MMS22L: variants seen among roughly 807,000 people sequenced by gnomAD.
MMS22L encodes MMS22 like, DNA repair protein.
Under a neutral mutation model 159.1 loss-of-function variants are expected in MMS22L, and 74 were observed. That is an observed-to-expected ratio of 0.47 (90% CI 0.39 to 0.56). The LOEUF is 0.56. Ranked by LOEUF, MMS22L falls within the 20% of genes least tolerant of loss-of-function variation. MMS22L has a pLI of 0.00. For missense variants in MMS22L, 1,351 were observed against 1,422.1 expected (o/e 0.95, Z 0.80); for synonymous variants, 517 against 506.9 (o/e 1.02, Z -0.27).
chr6:97,198,209 A>G (rs1237507181), intron 14 of MMS22L, among the ~76,000 whole-genome samples: 1 of 152,154 alleles, frequency 6.6e-6, no homozygotes, highest in African/African-American at 2.4e-5. Flanking sequence ...GACAGCACTC[A>G]GGTCAACAGT....
At chr6:97,165,218 A>G (rs542523929) in intron 21 of MMS22L, 28 bp downstream of exon 21, 12 of 1,582,148 alleles carry the variant, frequency 7.6e-6, no homozygotes, top group Non-Finnish European at 1.0e-5. Flanking sequence ...ATTTGTACAT[A>G]CCACCTATAT....
chr6:97,166,444 A>C (rs1425365259), intron 20 of MMS22L, among the ~76,000 whole-genome samples: 1 of 152,136 alleles, frequency 6.6e-6, no homozygotes, highest in Non-Finnish European at 1.5e-5. Flanking sequence ...CTGAAAGTTT[A>C]TTTGTAATGA....
At chr6:97,227,870 T>C (rs1317398376) in intron 14 of MMS22L, among the ~76,000 whole-genome samples, 1 of 152,234 alleles carries the variant, frequency 6.6e-6, no homozygotes, top group African/African-American at 2.4e-5. Flanking sequence ...AGGCAATAAA[T>C]ATCATAACCA....
intron 10 of MMS22L, among the ~76,000 whole-genome samples, chr6:97,249,504 A>G (rs140293341): frequency 5.1e-4 from 77 of 152,246 alleles, no homozygotes; most frequent in Non-Finnish European, 7.9e-4. Flanking sequence ...GTTGGCCCTA[A>G]AAGTCTCTCA....
intron 14 of MMS22L, among the ~76,000 whole-genome samples, chr6:97,213,360 C>T (rs933608784): frequency 1.3e-4 from 20 of 151,992 alleles, no homozygotes; most frequent in Non-Finnish European, 1.5e-5. Flanking sequence ...GAGCCAAGAT[C>T]ACGCCATTGT....
intron 14 of MMS22L, among the ~76,000 whole-genome samples, chr6:97,208,759 A>G (rs1808057865): frequency 1.3e-5 from 2 of 151,836 alleles, no homozygotes; most frequent in South Asian, 4.2e-4. Context: ...CTCTACTTAA[A>G]ACCTATAGTC....
At position 97,186,629 on chromosome 6, in the gene MMS22L, A is replaced by G. The variant is rs1010824292; in HGVS notation, c.2101T>C (p.Ser701Pro). 1 of 1,610,998 alleles carries G rather than the reference A, an allele frequency of 6.2e-7. No individual in the cohort carries two copies. The highest frequency in any genetic ancestry group is 1.1e-5 in the South Asian group (1 of 90,706). Residue 701 changes from serine (S) to proline (P), a missense_variant, in exon 15 of 25, where the codon TCT becomes CCT. Coordinates refer to ENST00000683635, the MANE Select transcript of MMS22L (RefSeq NM_001350599.2). ...TGGCGCTCTTTAGCCGATAATGAAG[A>G]CTGTACAAATAGGTCCACATTGTCC... Reference protein sequence around the residue: ...QRDNVDLFVQSSLSAKERHLA... With the variant: ...QRDNVDLFVQPSLSAKERHLA...
At chr6:97,279,656 G>A (rs947769812) in intron 3 of MMS22L, among the ~76,000 whole-genome samples, 4 of 151,710 alleles carry the variant, frequency 2.6e-5, no homozygotes, top group African/African-American at 9.7e-5. Context: ...GCGTGGTGGG[G>A]GGACCCTGTA....
intron 14 of MMS22L, among the ~76,000 whole-genome samples, chr6:97,213,056 C>T (rs1035419876): frequency 2.6e-5 from 4 of 151,534 alleles, no homozygotes; most frequent in African/African-American, 9.7e-5. Context: ...TGTGTGTGTG[C>T]GTGTGTGTGT....
At chr6:97,158,473 C>A (rs1432158178) in intron 22 of MMS22L, among the ~76,000 whole-genome samples, 3 of 152,170 alleles carry the variant, frequency 2.0e-5, no homozygotes, top group Non-Finnish European at 2.9e-5. Context: ...CCTCTACACA[C>A]TGCTTTAAAT....
chr6:97,204,376 G>A (rs970758169), intron 14 of MMS22L, among the ~76,000 whole-genome samples: 8 of 152,154 alleles, frequency 5.3e-5, no homozygotes, highest in African/African-American at 1.9e-4. Context: ...TTAACTGGAT[G>A]TATAATGGAC....
In MMS22L at chr6:97,241,899, G is replaced by A. The variant is rs367659860; in HGVS notation, c.1182+4729C>T. Among the ~76,000 whole-genome samples, 7 of 152,158 alleles carry A rather than the reference G, an allele frequency of 4.6e-5. No individual in the cohort carries two copies. In the East Asian group the frequency reaches 7.7e-4, roughly 17 times the overall value. On this transcript the variant is annotated intron_variant, in intron 11 of 24. Coordinates refer to ENST00000683635, the MANE Select transcript of MMS22L (RefSeq NM_001350599.2). ...CAGAAGCAGATTATTTAATTTCCACGTATTTGTATAGTTTTCAAGGTTCAT... is the reference window on the plus strand; with the variant it reads ...CAGAAGCAGATTATTTAATTTCCACATATTTGTATAGTTTTCAAGGTTCAT...
chr6:97,245,991 A>G lies in MMS22L; in HGVS notation c.1182+637T>C, dbSNP rs1394553803. On this transcript the variant is annotated intron_variant, in intron 11 of 24. Coordinates refer to ENST00000683635, the MANE Select transcript of MMS22L (RefSeq NM_001350599.2). ...AATATTTCCCAAATTCCAAAATATT[A>G]TTTATTATAATTCTCCATAAACTCT... 8.0e-5 allele frequency: 19 copies of G among 236,126 alleles called. No homozygotes were observed. In the Admixed American group the frequency reaches 1.0e-3, roughly 12 times the overall value. 14.6% of individuals were successfully genotyped at this position (236,126 alleles called of 1,614,324 possible).
At chr6:97,199,911 T>C (rs771244286) in intron 14 of MMS22L, among the ~76,000 whole-genome samples, 16 of 152,224 alleles carry the variant, frequency 1.1e-4, no homozygotes, top group Middle Eastern at 3.4e-3. Flanking sequence ...TAAAGTTTTG[T>C]GTATACATAA....
intron 14 of MMS22L, among the ~76,000 whole-genome samples, chr6:97,228,283 C>A (rs1369783256): frequency 1.3e-5 from 2 of 152,148 alleles, no homozygotes; most frequent in Non-Finnish European, 2.9e-5. Context: ...CAGACTGCAC[C>A]AGAGCTGCTC....
Position 97,168,080 on chromosome 6 carries a change from C to A in MMS22L, c.3000G>T (p.Leu1000Phe). 6.2e-7 allele frequency: 1 copy of A among 1,607,238 alleles called. No homozygotes were observed. The highest frequency in any genetic ancestry group is 8.5e-7 in the Non-Finnish European group (1 of 1,177,506). The change falls in exon 20 of 25, where the codon TTG becomes TTT. Residue 1000 changes from leucine to phenylalanine, a missense_variant. Transcript: ENST00000683635. ...ACCACAGATACTATACCTGGAGATA[C>A]AAAGGAAGACTTTTCTGAATTGCTG... ...MLSAIQKSLP[L>F]YLQGMCIVCC... is the part of the protein sequence containing the mutation.
intron 15 of MMS22L, 33 bp downstream of exon 15, chr6:97,186,464 A>G: frequency 6.3e-7 from 1 of 1,582,590 alleles, no homozygotes. Flanking sequence ...GTCTGCAAAA[A>G]GAGAAATTAG....
chr6:97,199,906 T>C (rs1350833462), intron 14 of MMS22L, among the ~76,000 whole-genome samples: 1 of 152,050 alleles, frequency 6.6e-6, no homozygotes, highest in Admixed American at 6.6e-5. Flanking sequence ...ATGTGTAAAG[T>C]TTTGTGTATA....
chr6:97,158,489 C>T (rs771958115), intron 22 of MMS22L, among the ~76,000 whole-genome samples: 5 of 152,020 alleles, frequency 3.3e-5, no homozygotes, highest in African/African-American at 4.8e-5. Flanking sequence ...TAAATGTGTC[C>T]CAGAGATTCT....
Sources: gnomAD v4.1 joint callset for allele counts (sites outside exome capture counted in the v4.1 genomes callset) on GRCh38, gnomAD v4.1.1 for gene constraint, MANE v1.5 for transcripts, NCBI Gene and HGNC (gene_info 2026-07-23, HGNC 2026-07-21) for gene names.